DHX35: variants seen among roughly 807,000 people sequenced by gnomAD.
The protein encoded by DHX35 is DEAH-box helicase 35, also known as probable ATP-dependent RNA helicase DHX35.
A neutral mutation model predicts 99.6 loss-of-function variants in DHX35; 84 were observed. That is an observed-to-expected ratio of 0.84 (90% CI 0.71 to 1.01). The LOEUF is 1.01. Ranked by LOEUF, DHX35 falls within the 50% of genes least tolerant of loss-of-function variation. The pLI is 0.00. For missense variants in DHX35, 852 were observed against 888.5 expected (o/e 0.96, Z 0.52); for synonymous variants, 331 against 316.2 (o/e 1.05, Z -0.50).
At chr20:39,002,144 C>T (rs1404500948) in intron 9 of DHX35, among the ~76,000 whole-genome samples, 3 of 152,180 alleles carry the variant, frequency 2.0e-5, no homozygotes, top group African/African-American at 7.2e-5. Flanking sequence ...GTTTACAAGG[C>T]TGCCTGTCAG....
rs375064892 is a variant in DHX35 at position 38,989,097 on chromosome 20, CT to C, written c.450+198del. Among the ~76,000 whole-genome samples the C allele has an allele frequency of 8.2e-3, 1,030 of 125,272 alleles. 2 individuals carry two copies. The highest frequency in any genetic ancestry group is 0.012 in the Non-Finnish European group (722 of 59,304). The allele number at this position is 125,272 out of a possible 152,430, so 82.2% of individuals were successfully genotyped here. A position where few individuals can be genotyped will look rare whatever the true frequency, so the allele number is the denominator to read the frequency against. On this transcript the variant is annotated intron_variant, in intron 5 of 21. Transcript: ENST00000252011. ...GGAGACAGAGAGCTCTTCCTTTTTTCTTTTTTTTTTTTTTTTTTGAGACAGA... is the reference window on the plus strand; with the variant it reads ...GGAGACAGAGAGCTCTTCCTTTTTTCTTTTTTTTTTTTTTTTTGAGACAGA...
At chr20:39,036,901 A>G (rs1364321025) in intron 21 of DHX35, among the ~76,000 whole-genome samples, 1 of 152,180 alleles carries the variant, frequency 6.6e-6, no homozygotes, top group African/African-American at 2.4e-5. Context: ...CTCCAGATCT[A>G]CAGGGGTTGC....
At chr20:38,991,615 G>A in intron 6 of DHX35, 100 bp downstream of exon 6, 8 of 1,028,530 alleles carry the variant, frequency 7.8e-6, no homozygotes, top group Non-Finnish European at 1.1e-5. Context: ...TCTGTGTTCA[G>A]CTGCCCCAAA....
intron 3 of DHX35, among the ~76,000 whole-genome samples, chr20:38,982,799 T>A (rs2086193151): frequency 6.6e-6 from 1 of 152,236 alleles, no homozygotes; most frequent in East Asian, 1.9e-4. Flanking sequence ...ATTGTAAAAC[T>A]ATTAGATGTT....
chr20:39,032,320 T>C (rs1429956588), intron 20 of DHX35, among the ~76,000 whole-genome samples: 3 of 152,290 alleles, frequency 2.0e-5, no homozygotes, highest in Non-Finnish European at 2.9e-5. Context: ...TACAGGTGCA[T>C]GCAACCATGC....
intron 13 of DHX35, among the ~76,000 whole-genome samples, chr20:39,014,445 C>T (rs536168612): frequency 5.9e-5 from 9 of 152,274 alleles, no homozygotes; most frequent in Non-Finnish European, 1.3e-4. Context: ...TTACCCACCA[C>T]GGGGCCTGGA....
intron 13 of DHX35, among the ~76,000 whole-genome samples, chr20:39,010,831 G>A (rs940071833): frequency 6.6e-6 from 1 of 152,136 alleles, no homozygotes; most frequent in Non-Finnish European, 1.5e-5. Flanking sequence ...TTTAGATAGA[G>A]CTGCAGGAAG....
chr20:39,021,469 A>G (rs1568755305), intron 15 of DHX35, among the ~76,000 whole-genome samples: 1 of 152,134 alleles, frequency 6.6e-6, no homozygotes, highest in Non-Finnish European at 1.5e-5. Context: ...GGCTGAGTGA[A>G]ATATTTTTAT....
intron 14 of DHX35, among the ~76,000 whole-genome samples, chr20:39,015,715 C>T (rs530558978): frequency 1.7e-4 from 26 of 152,000 alleles, no homozygotes; most frequent in African/African-American, 5.6e-4. Context: ...ACAATTCACT[C>T]GTTTACAGTG....
At chr20:38,989,040 G>A in intron 5 of DHX35, 123 bp downstream of exon 5, 3 of 1,007,044 alleles carry the variant, frequency 3.0e-6, no homozygotes, top group South Asian at 1.8e-5. Flanking sequence ...GTGAAGAAAA[G>A]TATCCTGACA....
At chr20:39,001,526 T>C (rs547128034) in intron 8 of DHX35, among the ~76,000 whole-genome samples, 1 of 152,310 alleles carries the variant, frequency 6.6e-6, no homozygotes, top group African/African-American at 2.4e-5. Context: ...GTAAAGACAC[T>C]GTCATTGAAA....
At chr20:38,981,732 C>T (rs2086176419) in intron 3 of DHX35, among the ~76,000 whole-genome samples, 1 of 152,026 alleles carries the variant, frequency 6.6e-6, no homozygotes, top group Admixed American at 6.6e-5. Context: ...CACCTGAGGT[C>T]AGGAGTTTGA....
chr20:38,969,297 G>T (rs951095613), intron 2 of DHX35, 83 bp downstream of exon 2: 2 of 1,452,252 alleles, frequency 1.4e-6, no homozygotes, highest in African/African-American at 2.8e-5. Context: ...AGGGAATGAT[G>T]GCCTCTTTCT....
At chr20:38,995,643 A>G (rs2086417586) in intron 8 of DHX35, among the ~76,000 whole-genome samples, 1 of 152,230 alleles carries the variant, frequency 6.6e-6, no homozygotes, top group Non-Finnish European at 1.5e-5. Flanking sequence ...AGCTCAACTC[A>G]ACAAATACTT....
chr20:39,038,610 C>T lies in DHX35; in HGVS notation c.*67C>T. ...CTCCTCCATGCTGCTGCCCCTGGTC[C>T]CAGGTGGGGTGAGCTGGCACCAGCT... On this transcript the variant is annotated 3_prime_UTR_variant, in exon 22 of 22. Coordinates refer to ENST00000252011, the MANE Select transcript of DHX35 (RefSeq NM_021931.4). 6.5e-7 allele frequency: 1 copy of T among 1,548,982 alleles called. No homozygotes were observed. Among genetic ancestry groups the T allele is most frequent in the Non-Finnish European group, 8.8e-7 (1 of 1,142,260 alleles).
rs756762197 is a variant in DHX35, at chr20:39,034,214, A to G, written c.1964A>G (p.Tyr655Cys). The change falls in exon 21 of 22, where the codon TAT (tyrosine) becomes TGT (cysteine). Residue 655 changes from tyrosine (Y) to cysteine (C), a missense_variant. Coordinates refer to ENST00000252011, the MANE Select transcript of DHX35 (RefSeq NM_021931.4). ...TTTCTTTCTCATTTCAGGGTCATCT[A>G]TAACGAAGTTATACAGACCTCCAAG... ...YAEKPPRWVI[Y>C]NEVIQTSKYY... is the part of the protein sequence containing the mutation. 18 of 1,613,298 alleles carry G rather than the reference A, an allele frequency of 1.1e-5. No individual in the cohort carries two copies. Among genetic ancestry groups the G allele is most frequent in the Non-Finnish European group, 1.3e-5 (15 of 1,179,420 alleles).
At chr20:39,004,356 T>G (rs147949999) in intron 11 of DHX35, among the ~76,000 whole-genome samples, 1 of 152,304 alleles carries the variant, frequency 6.6e-6, no homozygotes, top group African/African-American at 2.4e-5. Context: ...TCAGCCACCG[T>G]GCCCGGCCTG....
intron 15 of DHX35, among the ~76,000 whole-genome samples, chr20:39,020,423 T>G (rs1341510746): frequency 6.6e-6 from 1 of 152,212 alleles, no homozygotes; most frequent in Non-Finnish European, 1.5e-5. Context: ...GGACATGGGT[T>G]CTAGGTTAAA....
chr20:39,023,592 A>T, intron 16 of DHX35, 98 bp from the exon 17 acceptor site: 1 of 1,150,476 alleles, frequency 8.7e-7, no homozygotes. Flanking sequence ...GGTTCAGGCA[A>T]TCCTCCCACC....
Sources: gnomAD v4.1 joint callset for allele counts (sites outside exome capture counted in the v4.1 genomes callset) on GRCh38, gnomAD v4.1.1 for gene constraint, MANE v1.5 for transcripts, NCBI Gene and HGNC (gene_info 2026-07-23, HGNC 2026-07-21) for gene names.